NEK4: variants seen among roughly 807,000 people sequenced by gnomAD.
NEK4 encodes serine/threonine-protein kinase Nek4.
Under a neutral mutation model 98.4 loss-of-function variants are expected in NEK4, and 86 were observed. The ratio of observed to expected loss-of-function variants is 0.87; its 90% CI spans 0.73 to 1.05. NEK4 has a LOEUF of 1.05. NEK4 is among the 50% of genes least tolerant of loss of function. The probability of loss-of-function intolerance (pLI) is 0.00; values close to 1 mark genes in which losing one functional copy is unlikely to be tolerated. For missense variants in NEK4, 898 were observed against 950.3 expected (o/e 0.94, Z 0.72); for synonymous variants, 328 against 342.2 (o/e 0.96, Z 0.46).
rs553090641 is a variant in NEK4, at chr3:52,739,098, T to G, written c.2299+331A>C. Reference sequence around the variant, plus strand: ...TCCAATAAACACATGCTCTCCAGTTTGCTGTAAAAGAATAAACTAGGCCAG... The same window carrying G: ...TCCAATAAACACATGCTCTCCAGTTGGCTGTAAAAGAATAAACTAGGCCAG... On this transcript the variant is annotated intron_variant, in intron 14 of 15. Transcript: ENST00000233027. 9.2e-5 allele frequency among the ~76,000 whole-genome samples: 14 copies of G among 152,298 alleles called. No homozygotes were observed. In the South Asian group the frequency reaches 2.9e-3, roughly 32 times the overall value.
chr3:52,751,435 GAC>G (rs1456737786), intron 7 of NEK4, among the ~76,000 whole-genome samples: 2 of 132,908 alleles, frequency 1.5e-5, no homozygotes, highest in Admixed American at 1.6e-4. Flanking sequence ...CAGCCTGGGC[GAC>G]AGAGTGGGAC....
In NEK4 at chr3:52,711,204, T is replaced by A. The variant is rs561746665; in HGVS notation, c.*573A>T. 1 of 152,438 alleles carries A rather than the reference T, an allele frequency of 6.6e-6. No homozygotes were observed. The highest frequency in any genetic ancestry group is 2.4e-5 in the African/African-American group (1 of 41,582). The allele number at this position is 152,438 out of a possible 1,614,324, so 9.4% of individuals were successfully genotyped here. On this transcript the variant is annotated 3_prime_UTR_variant, in exon 16 of 16. Transcript: ENST00000233027. ...AGATGAGGTTTATATTAAATGAGAA[T>A]AAAATATTAAAAGTCCATCAATGTG...
chr3:52,716,365 C>T (rs2097355161), intron 15 of NEK4, among the ~76,000 whole-genome samples: 2 of 152,186 alleles, frequency 1.3e-5, no homozygotes, highest in African/African-American at 4.8e-5. Context: ...GTCACTCATG[C>T]TCACCAAACC....
intron 5 of NEK4, among the ~76,000 whole-genome samples, chr3:52,762,007 T>C (rs927717698): frequency 6.6e-6 from 1 of 152,218 alleles, no homozygotes; most frequent in Non-Finnish European, 1.5e-5. Context: ...AAAGGTCTGC[T>C]TGGTGGGAAA....
intron 10 of NEK4, among the ~76,000 whole-genome samples, chr3:52,744,892 C>T (rs1286332852): frequency 1.3e-5 from 2 of 151,824 alleles, no homozygotes; most frequent in Non-Finnish European, 2.9e-5. Context: ...TGGGGACTTT[C>T]ACATTTGCCA....
At position 52,731,192 on chromosome 3, in the gene NEK4, T is replaced by C. The variant is rs545694135; in HGVS notation, c.2433+6394A>G. On this transcript the variant is annotated intron_variant, in intron 15 of 15. Transcript: ENST00000233027. ...AAATGACTCCACATGGAAAGTTGAA[T>C]CCAAAGGAACAAATAAAGAGATCCA... Among the ~76,000 whole-genome samples the C allele has an allele frequency of 6.6e-5, 10 of 152,264 alleles. No homozygotes were observed. The South Asian group carries it at 2.1e-3, about 32-fold the overall frequency.
rs2154107325 is a variant in NEK4 at position 52,768,608 on chromosome 3, A to C, written c.94-4T>G. On this transcript the variant is annotated splice_polypyrimidine_tract_variant and splice_region_variant and intron_variant, in intron 1 of 15. Coordinates refer to ENST00000233027, the MANE Select transcript of NEK4 (RefSeq NM_003157.6). The stretch of plus-strand genomic sequence containing the variant: ...GGTTCAGTTTTTTGATGACATACTA[A>C]AAACAAACCATGTATTTTTACAATG... 1 of 1,612,572 alleles carries C rather than the reference A, an allele frequency of 6.2e-7. No homozygotes were observed. Among genetic ancestry groups the C allele is most frequent in the Admixed American group, 1.7e-5 (1 of 59,950 alleles).
rs1698755697 is a variant in NEK4 at position 52,770,799 on chromosome 3, G to C, written c.-53C>G. 6.8e-7 allele frequency: 1 copy of C among 1,480,716 alleles called. No homozygotes were observed. The highest frequency in any genetic ancestry group is 1.4e-5 in the African/African-American group (1 of 71,670). The allele number at this position is 1,480,716 out of a possible 1,614,324, so 91.7% of individuals were successfully genotyped here. ...TGCGGCGGCAGCGGCGGGTAGGGCAGCGGGCGGCAACAAGAAGCTCGGTTC... is the reference window on the plus strand; with the variant it reads ...TGCGGCGGCAGCGGCGGGTAGGGCACCGGGCGGCAACAAGAAGCTCGGTTC... On this transcript the variant is annotated 5_prime_UTR_variant, in exon 1 of 16. Transcript: ENST00000233027.
At chr3:52,755,721 G>C (rs1427183279) in intron 6 of NEK4, among the ~76,000 whole-genome samples, 3 of 151,958 alleles carry the variant, frequency 2.0e-5, no homozygotes, top group South Asian at 2.1e-4. Context: ...AAAATAAAAG[G>C]CATCAAAATT....
rs1386559959 is a variant in NEK4, at chr3:52,768,484, A to G, written c.214T>C (p.Trp72Arg). 3 of 1,614,070 alleles carry G rather than the reference A, an allele frequency of 1.9e-6. No homozygotes were observed. Among genetic ancestry groups the G allele is most frequent in the South Asian group, 2.2e-5 (2 of 91,088 alleles). The change falls in exon 2 of 16, where the codon TGG becomes CGG. Residue 72 changes from tryptophan (W) to arginine (R), a missense_variant. By Grantham distance (101) the Trp-to-Arg change is moderately radical. Coordinates refer to ENST00000233027, the MANE Select transcript of NEK4 (RefSeq NM_003157.6). ...HPNIVTYKES[W>R]EGGDGLLYIV... ...TAGAGCAGACCATCTCCTCCTTCCC[A>G]TGACTCCTTGTAGGTGACAATGTTG...
intron 7 of NEK4, among the ~76,000 whole-genome samples, chr3:52,751,282 C>T (rs947059043): frequency 3.3e-5 from 5 of 152,024 alleles, no homozygotes; most frequent in East Asian, 1.9e-4. Flanking sequence ...GGTGAAACCT[C>T]GTCTCTACTA....
chr3:52,740,476 T>C (rs531838121), intron 13 of NEK4, among the ~76,000 whole-genome samples: 28 of 151,924 alleles, frequency 1.8e-4, no homozygotes, highest in African/African-American at 5.3e-4. Context: ...GACATAGCAA[T>C]AGAATCTATG....
At chr3:52,754,639 T>C in intron 6 of NEK4, 1 of 727,052 alleles carries the variant, frequency 1.4e-6, no homozygotes. Context: ...CTGTCATAGG[T>C]AAAGCCTGGC....
intron 15 of NEK4, 128 bp downstream of exon 15, chr3:52,737,458 A>G: frequency 2.1e-6 from 2 of 954,614 alleles, no homozygotes; most frequent in East Asian, 5.1e-5. Flanking sequence ...ACAATGTTGT[A>G]AACACATTAA....
In NEK4 at chr3:52,770,897, G is replaced by A. The variant is rs1299991046; in HGVS notation, c.-151C>T. 2 of 643,604 alleles carry A rather than the reference G, an allele frequency of 3.1e-6. No individual in the cohort carries two copies. Among genetic ancestry groups the A allele is most frequent in the Non-Finnish European group, 2.7e-6 (1 of 375,184 alleles). The allele number at this position is 643,604 out of a possible 1,614,324, so 39.9% of individuals were successfully genotyped here. A position where few individuals can be genotyped will look rare whatever the true frequency, so the allele number is the denominator to read the frequency against. ...GGGCGGGATTGCTGGGGCCCGGCCCGCGACGACGCCGCTGCCATAGCGATC... is the reference window on the plus strand; with the variant it reads ...GGGCGGGATTGCTGGGGCCCGGCCCACGACGACGCCGCTGCCATAGCGATC... On this transcript the variant is annotated 5_prime_UTR_variant, in exon 1 of 16. Coordinates refer to ENST00000233027, the MANE Select transcript of NEK4 (RefSeq NM_003157.6).
intron 15 of NEK4, among the ~76,000 whole-genome samples, chr3:52,729,633 G>A (rs894215127): frequency 2.0e-5 from 3 of 151,232 alleles, no homozygotes; most frequent in Admixed American, 6.6e-5. Flanking sequence ...GCTTGAACCC[G>A]GGAGACGGTG....
At position 52,708,697 on chromosome 3, in the gene NEK4, T is replaced by G. The variant is rs776838387; in HGVS notation, c.*3080A>C. 3 of 152,150 alleles carry G rather than the reference T, an allele frequency of 2.0e-5. No individual in the cohort carries two copies. The highest frequency in any genetic ancestry group is 4.4e-5 in the Non-Finnish European group (3 of 68,028). 9.4% of individuals were successfully genotyped at this position (152,150 alleles called of 1,614,324 possible). A position where few individuals can be genotyped will look rare whatever the true frequency, so the allele number is the denominator to read the frequency against. On this transcript the variant is annotated 3_prime_UTR_variant, in exon 16 of 16. Transcript: ENST00000233027. ...TTTTGTATTTAACATTTCACCTTTATTGAATGCCTATAAGGCCATTTGAAT... is the reference window on the plus strand; with the variant it reads ...TTTTGTATTTAACATTTCACCTTTAGTGAATGCCTATAAGGCCATTTGAAT...
intron 14 of NEK4, 62 bp from the exon 15 acceptor site, chr3:52,737,781 C>T: frequency 8.2e-7 from 1 of 1,226,494 alleles, no homozygotes; most frequent in Non-Finnish European, 1.1e-6. Context: ...AGCAAGAACA[C>T]TGCAATTTTT....
At chr3:52,770,473 G>C (rs1698736889) in intron 1 of NEK4, among the ~76,000 whole-genome samples, 181 bp downstream of exon 1, 1 of 150,056 alleles carries the variant, frequency 6.7e-6, no homozygotes, top group South Asian at 2.2e-4. Flanking sequence ...CAAAGAAGTA[G>C]AAGTAGTTCT....
Sources: allele counts gnomAD v4.1 joint callset (sites outside exome capture counted in the v4.1 genomes callset), GRCh38; gene constraint gnomAD v4.1.1; transcripts MANE v1.5; gene names NCBI Gene and HGNC (gene_info 2026-07-23, HGNC 2026-07-21).